The following GIT2 variants were observed in gnomAD, a reference collection of about 807,000 sequenced individuals.
GIT2 encodes the protein ARF GTPase-activating protein GIT2.
A neutral mutation model predicts 100.3 loss-of-function variants in GIT2; 32 were observed. The observed-to-expected ratio is 0.32, with a 90% CI of 0.24 to 0.43. The LOEUF (loss-of-function observed/expected upper bound fraction) is 0.43, where lower values mean the gene tolerates loss of function less well. GIT2 is among the 20% of genes least tolerant of loss of function. The pLI, the probability that GIT2 is intolerant of heterozygous loss-of-function variation, is 1.00. For missense variants in GIT2, 737 were observed against 975.1 expected (o/e 0.76, Z 3.25); for synonymous variants, 353 against 364.1 (o/e 0.97, Z 0.35).
chr12:109,970,246 C>A (rs904280883), intron 7 of GIT2, among the ~76,000 whole-genome samples: 1 of 152,078 alleles, frequency 6.6e-6, no homozygotes, highest in Non-Finnish European at 1.5e-5. Flanking sequence ...GTAATCCCAG[C>A]ACTTTGGGAG....
chr12:109,964,792 TGAG>T lies in GIT2; in HGVS notation c.816+731_816+733del, dbSNP rs1439097914. On this transcript the variant is annotated intron_variant, in intron 9 of 19. Transcript: ENST00000355312. ...TGATCCAAAGAGCAATGGGAACAGCTGAGGAGTATACTTTGGTGGTTAAAGTGG... is the reference window on the plus strand; with the variant it reads ...TGATCCAAAGAGCAATGGGAACAGCTGAGTATACTTTGGTGGTTAAAGTGG... 6.6e-5 allele frequency among the ~76,000 whole-genome samples: 10 copies of T among 152,176 alleles called. No individual in the cohort carries two copies. The East Asian group carries it at 1.5e-3, about 24-fold the overall frequency.
Position 109,947,527 on chromosome 12 carries a change from G to T in GIT2, c.1393-23C>A. On this transcript the variant is annotated intron_variant, in intron 14 of 19. Coordinates refer to ENST00000355312, the MANE Select transcript of GIT2 (RefSeq NM_057169.5). The surrounding 1 kb of genome is among the most constrained non-coding windows in gnomAD (Gnocchi z 4.3). ...AAGCTGAAAGAAATGTTTGGCAGTG[G>T]GACTGTGTTTTTTTACAGCAAGCAG... 6.2e-7 allele frequency: 1 copy of T among 1,602,028 alleles called. No individual in the cohort carries two copies. The highest frequency in any genetic ancestry group is 8.5e-7 in the Non-Finnish European group (1 of 1,173,228).
chr12:109,960,129 T>C (rs1179493703), intron 11 of GIT2, among the ~76,000 whole-genome samples, 171 bp from the exon 12 acceptor site: 1 of 152,236 alleles, frequency 6.6e-6, no homozygotes, highest in Non-Finnish European at 1.5e-5. Context: ...TTGTTTTCCA[T>C]ATGAACAGTT....
Position 109,934,238 on chromosome 12 carries a change from G to C in GIT2, c.2004-153C>G. The C allele has an allele frequency of 6.4e-6, 4 of 621,296 alleles. No homozygotes were observed. Among genetic ancestry groups the C allele is most frequent in the Non-Finnish European group, 1.2e-5 (4 of 340,506 alleles). The allele number at this position is 621,296 out of a possible 1,614,324, so 38.5% of individuals were successfully genotyped here. ...CATCCCACACCACCAGAGGGCACAT[G>C]GTTATAAAGCAGGACTCTCATTGCT... On this transcript the variant is annotated intron_variant, in intron 18 of 19. Coordinates refer to ENST00000355312, the MANE Select transcript of GIT2 (RefSeq NM_057169.5). This position sits in a 1 kb window ranked among gnomAD's most constrained non-coding sequence, Gnocchi z 4.5.
chr12:109,990,883 A>T (rs958359318), intron 2 of GIT2, among the ~76,000 whole-genome samples: 4 of 152,258 alleles, frequency 2.6e-5, no homozygotes, highest in African/African-American at 9.6e-5. Context: ...GTTTCTGAGG[A>T]ATCCCAGCCC....
At chr12:109,959,436 C>G (rs1169027556) in intron 12 of GIT2, among the ~76,000 whole-genome samples, 3 of 152,062 alleles carry the variant, frequency 2.0e-5, no homozygotes, top group Non-Finnish European at 4.4e-5. Flanking sequence ...TTTCAGGATG[C>G]AATTTTACAG....
Position 109,938,476 on chromosome 12 carries a change from G to C in GIT2, c.1907C>G (p.Thr636Ser). ...TAEPHVAPSP[T>S]LPSTEDVIRK... ...GATGACATCTTCGGTGCTAGGGAGAGTGGGGCTTGGGGCCACATGGGGTTC... is the reference window on the plus strand; with the variant it reads ...GATGACATCTTCGGTGCTAGGGAGACTGGGGCTTGGGGCCACATGGGGTTC... Residue 636 changes from threonine to serine, a missense_variant, in exon 18 of 20, where the codon ACT (threonine) becomes AGT (serine). By Grantham distance (58) the Thr-to-Ser change is moderately conservative. Transcript: ENST00000355312. 1.9e-6 allele frequency: 3 copies of C among 1,613,768 alleles called. No individual in the cohort carries two copies. The highest frequency in any genetic ancestry group is 2.5e-6 in the Non-Finnish European group (3 of 1,179,690).
chr12:109,939,338 G>A, intron 16 of GIT2, 91 bp from the exon 17 acceptor site: 1 of 762,406 alleles, frequency 1.3e-6, no homozygotes, highest in South Asian at 1.4e-5. Flanking sequence ...TAGGCTACTG[G>A]CCTTCACATC....
intron 7 of GIT2, 176 bp downstream of exon 7, chr12:109,980,775 TA>T (rs1299555664): frequency 3.3e-6 from 2 of 604,374 alleles, no homozygotes; most frequent in African/African-American, 3.7e-5. Context: ...TGTCCAACTT[TA>T]TATCTTTTAC....
At position 109,989,718 on chromosome 12, in the gene GIT2, G is replaced by T; in HGVS notation, c.271C>A (p.Arg91Ser). 1 of 1,562,862 alleles carries T rather than the reference G, an allele frequency of 6.4e-7. No individual in the cohort carries two copies. Among genetic ancestry groups the T allele is most frequent in the South Asian group, 1.1e-5 (1 of 89,988 alleles). The stretch of plus-strand genomic sequence containing the variant: ...ACTTTATCCTGTGGATTAGCTTTAC[G>T]TCTTCCACTCATAATAGACGCAGGG... ...LDPASIMSGR[R>S]KANPQDKVHP... Residue 91 changes from arginine (R) to serine (S), a missense_variant, in exon 3 of 20, where the codon CGT becomes AGT. Transcript: ENST00000355312.
chr12:109,972,963 C>T (rs563310273), intron 7 of GIT2, among the ~76,000 whole-genome samples: 10 of 152,162 alleles, frequency 6.6e-5, no homozygotes, highest in African/African-American at 1.7e-4. Flanking sequence ...ACTGGGACTA[C>T]AGGCACGTGC....
intron 9 of GIT2, among the ~76,000 whole-genome samples, chr12:109,963,704 G>A (rs1239662698): frequency 6.6e-6 from 1 of 152,238 alleles, no homozygotes; most frequent in Middle Eastern, 3.2e-3. Context: ...AAGAAAGGAT[G>A]AAGGGAGGAA....
chr12:109,943,497 G>A (rs1247473609), intron 16 of GIT2, among the ~76,000 whole-genome samples: 4 of 152,006 alleles, frequency 2.6e-5, no homozygotes, highest in Non-Finnish European at 5.9e-5. Flanking sequence ...ACCACCCGCC[G>A]CTAATTTTTG....
intron 15 of GIT2, among the ~76,000 whole-genome samples, chr12:109,946,751 A>T (rs1040582182): frequency 1.7e-4 from 26 of 152,136 alleles, no homozygotes; most frequent in Admixed American, 5.9e-4. Context: ...GGAAGCCTGG[A>T]GCCTTCCAGC....
rs1015323321 is a variant in GIT2 at position 109,932,008 on chromosome 12, T to G, written c.*970A>C. On this transcript the variant is annotated 3_prime_UTR_variant, in exon 20 of 20. Coordinates refer to ENST00000355312, the MANE Select transcript of GIT2 (RefSeq NM_057169.5). The stretch of plus-strand genomic sequence containing the variant: ...GATGAAAAATGTGAAGCAACTCATG[T>G]GAGAAAGCTGTAAGTGGTCAGAGAA... The G allele has an allele frequency of 6.6e-6, 1 of 152,206 alleles. No homozygotes were observed. Among genetic ancestry groups the G allele is most frequent in the African/African-American group, 2.4e-5 (1 of 41,446 alleles). The allele number at this position is 152,206 out of a possible 1,614,324, so 9.4% of individuals were successfully genotyped here.
chr12:109,979,862 A>G (rs1223919683), intron 7 of GIT2, among the ~76,000 whole-genome samples: 1 of 152,176 alleles, frequency 6.6e-6, no homozygotes, highest in Non-Finnish European at 1.5e-5. Flanking sequence ...ACCAGGATGG[A>G]GAATCACTGC....
intron 16 of GIT2, among the ~76,000 whole-genome samples, chr12:109,941,703 T>C (rs1186891482): frequency 1.3e-5 from 2 of 151,986 alleles, no homozygotes; most frequent in Non-Finnish European, 2.9e-5. Flanking sequence ...GTATTTTTAG[T>C]AGAGATGGGG....
At chr12:109,935,005 G>A (rs958377159) in intron 18 of GIT2, among the ~76,000 whole-genome samples, 1 of 152,054 alleles carries the variant, frequency 6.6e-6, no homozygotes. Flanking sequence ...TTGAACCCGG[G>A]AGGCAGAGGT....
Position 109,934,982 on chromosome 12 carries a change from G to A in GIT2, c.2004-897C>T, listed in dbSNP as rs1321472347. Among the ~76,000 whole-genome samples, 2 of 152,032 alleles carry A rather than the reference G, an allele frequency of 1.3e-5. No individual in the cohort carries two copies. Among genetic ancestry groups the A allele is most frequent in the Non-Finnish European group, 2.9e-5 (2 of 68,012 alleles). On this transcript the variant is annotated intron_variant, in intron 18 of 19. Coordinates refer to ENST00000355312, the MANE Select transcript of GIT2 (RefSeq NM_057169.5). The surrounding 1 kb of genome is among the most constrained non-coding windows in gnomAD (Gnocchi z 4.5). Reference sequence around the variant, plus strand: ...AATCCCAGCTACTCAGGAGGCTGAAGCAGGAGAATCGCTTGAACCCGGGAG... The same window carrying A: ...AATCCCAGCTACTCAGGAGGCTGAAACAGGAGAATCGCTTGAACCCGGGAG...
Sources: allele counts gnomAD v4.1 joint callset (sites outside exome capture counted in the v4.1 genomes callset), GRCh38; gene constraint gnomAD v4.1.1; non-coding constraint Gnocchi (gnomAD v3.1); transcripts MANE v1.5; gene names NCBI Gene and HGNC (gene_info 2026-07-23, HGNC 2026-07-21).